B3GAT1: variants seen among roughly 807,000 people sequenced by gnomAD.
B3GAT1 encodes the protein galactosylgalactosylxylosylprotein 3-beta-glucuronosyltransferase 1.
B3GAT1 carries 11 observed loss-of-function variants against 28.4 expected under a neutral mutation model. That is an observed-to-expected ratio of 0.39 (90% CI 0.24 to 0.64). The LOEUF (loss-of-function observed/expected upper bound fraction) is 0.64. Ranked by LOEUF, B3GAT1 falls within the 30% of genes least tolerant of loss-of-function variation. The pLI is 0.50. For synonymous variants in B3GAT1, 255 were observed against 223.1 expected (o/e 1.14, Z -1.27); for missense variants, 375 against 491.0 (o/e 0.76, Z 2.23).
At chr11:134,401,555 A>G (rs993034735) in intron 1 of B3GAT1, among the ~76,000 whole-genome samples, 2 of 151,982 alleles carry the variant, frequency 1.3e-5, no homozygotes, top group Admixed American at 1.3e-4. Context: ...GATGGGAACA[A>G]TAGACACTGT....
chr11:134,383,895 C>T lies in B3GAT1; in HGVS notation c.406G>A (p.Asp136Asn), dbSNP rs780492697. 1.3e-6 allele frequency: 2 copies of T among 1,595,900 alleles called. No individual in the cohort carries two copies. The highest frequency in any genetic ancestry group is 8.5e-7 in the Non-Finnish European group (1 of 1,175,336). Residue 136 changes from aspartate to asparagine, a missense_variant, in exon 3 of 6, where the codon GAC becomes AAC. Transcript: ENST00000312527. Reference protein sequence around the residue: ...RTPLTARLLRDTGLNYTHLHV... With the variant: ...RTPLTARLLRNTGLNYTHLHV... ...AGGTGCGTGTAGTTGAGGCCGGTGT[C>T]GCGCAGCAGGCGCGCGGTCAGCGGC... is the stretch of plus-strand genomic sequence containing the variant.
intron 2 of B3GAT1, chr11:134,384,572 T>TA: frequency 4.5e-6 from 1 of 222,492 alleles, no homozygotes; most frequent in Admixed American, 5.2e-5. Flanking sequence ...CACTGCCCTG[T>TA]GCAGGGCTGG....
chr11:134,412,149 A>T lies in B3GAT1; in HGVS notation c.-624T>A, dbSNP rs1198822080. ...AGCGGGGAGCGGGCGCGGGGGCGAGAGGGGCGAGGGGGGCGCGCGGCCGGA... is the reference window on the plus strand; with the variant it reads ...AGCGGGGAGCGGGCGCGGGGGCGAGTGGGGCGAGGGGGGCGCGCGGCCGGA... On this transcript the variant is annotated 5_prime_UTR_variant, in exon 1 of 6. Coordinates refer to ENST00000312527, the MANE Select transcript of B3GAT1 (RefSeq NM_054025.3). Among the ~76,000 whole-genome samples, 1 of 55,272 alleles carries T rather than the reference A, an allele frequency of 1.8e-5. No homozygotes were observed. Among genetic ancestry groups the T allele is most frequent in the Non-Finnish European group, 3.7e-5 (1 of 26,694 alleles). The allele number at this position is 55,272 out of a possible 152,430, so 36.3% of individuals were successfully genotyped here.
chr11:134,382,238 G>A (rs1044173274), intron 4 of B3GAT1, among the ~76,000 whole-genome samples: 1 of 152,194 alleles, frequency 6.6e-6, no homozygotes, highest in Non-Finnish European at 1.5e-5. Flanking sequence ...TACATGTGAT[G>A]CCTTCGGAAT....
At chr11:134,380,885 G>A (rs937266767) in intron 5 of B3GAT1, 138 bp from the exon 6 acceptor site, 1 of 152,582 alleles carries the variant, frequency 6.6e-6, no homozygotes, top group African/African-American at 2.4e-5. Context: ...GGGCAGGTGG[G>A]GAAGGTGCTT....
intron 1 of B3GAT1, among the ~76,000 whole-genome samples, chr11:134,399,498 A>C (rs1356643427): frequency 6.6e-6 from 1 of 152,212 alleles, no homozygotes; most frequent in Non-Finnish European, 1.5e-5. Context: ...TGTGAGGCAC[A>C]TTCTGCTACC....
In B3GAT1 at chr11:134,382,826, G is replaced by T. The variant is rs1403930568; in HGVS notation, c.802C>A (p.Arg268=). The stretch of plus-strand genomic sequence containing the variant: ...CGCAGCTTGAAGTAGGCCTGGCTTC[G>T]CTGCAGAATGAGCCGCAGGTTGACG... The part of the protein sequence containing the change: ...FAVNLRLILQ[R]SQAYFKLRGV... Residue 268 remains arginine (R), a synonymous_variant, in exon 4 of 6, where the codon CGA becomes AGA. Transcript: ENST00000312527. 3.1e-6 allele frequency: 5 copies of T among 1,614,194 alleles called. No individual in the cohort carries two copies. The Middle Eastern group carries it at 4.9e-4, about 160-fold the overall frequency.
Position 134,382,964 on chromosome 11 carries a change from C to T in B3GAT1, c.664G>A (p.Val222Met), listed in dbSNP as rs763308287. The change falls in exon 4 of 6, where the codon GTG (valine) becomes ATG (methionine). Residue 222 changes from valine (V) to methionine (M), a missense_variant. Val to Met is a conservative substitution (Grantham distance 21). Coordinates refer to ENST00000312527, the MANE Select transcript of B3GAT1 (RefSeq NM_054025.3). The stretch of plus-strand genomic sequence containing the variant: ...GGGGCCTCGTACCGCAGGCCACCCA[C>T]GAAGGCGACGGGCCACACGGACACC... The part of the protein sequence containing the change: ...RRVSVWPVAF[V>M]GGLRYEAPRV... The T allele has an allele frequency of 2.5e-6, 4 of 1,597,562 alleles. No homozygotes were observed. The highest frequency in any genetic ancestry group is 3.5e-5 in the Admixed American group (2 of 57,712).
In B3GAT1 at chr11:134,387,933, G is replaced by T. The variant is rs2136312480; in HGVS notation, c.-274C>A. 1 of 1,349,328 alleles carries T rather than the reference G, an allele frequency of 7.4e-7. No individual in the cohort carries two copies. Among genetic ancestry groups the T allele is most frequent in the Non-Finnish European group, 1.0e-6 (1 of 995,890 alleles). 83.6% of individuals were successfully genotyped at this position (1,349,328 alleles called of 1,614,324 possible). On this transcript the variant is annotated 5_prime_UTR_variant, in exon 2 of 6. Coordinates refer to ENST00000312527, the MANE Select transcript of B3GAT1 (RefSeq NM_054025.3). The stretch of plus-strand genomic sequence containing the variant: ...GGGCAGGGGTCAGGAACCCTGGGGG[G>T]TGGACACCTGCAAGAGAGAGCAGAA...
At chr11:134,392,276 A>T (rs1944426344) in intron 1 of B3GAT1, 1 of 151,924 alleles carries the variant, frequency 6.6e-6, no homozygotes, top group Non-Finnish European at 1.5e-5. Flanking sequence ...CTGAGTCCTG[A>T]CTTAAGGGCC....
chr11:134,407,921 C>T (rs114941701), intron 1 of B3GAT1, among the ~76,000 whole-genome samples: 3,225 of 152,230 alleles, frequency 0.021, 58 homozygotes, highest in African/African-American at 0.052. Context: ...CACCCTGTCA[C>T]CTTTCAGCAT....
rs1187558011 is a variant in B3GAT1 at position 134,393,150 on chromosome 11, G to A, written c.-281-5210C>T. Reference sequence around the variant, plus strand: ...TCCGAGGTACTCATCCCTGGAGGACGAGAAAGGCCTTTTTACCCAGTAAGA... The same window carrying A: ...TCCGAGGTACTCATCCCTGGAGGACAAGAAAGGCCTTTTTACCCAGTAAGA... On this transcript the variant is annotated intron_variant, in intron 1 of 5. Coordinates refer to ENST00000312527, the MANE Select transcript of B3GAT1 (RefSeq NM_054025.3). The surrounding 1 kb of genome is among the most constrained non-coding windows in gnomAD (Gnocchi z 4.0). Among the ~76,000 whole-genome samples the A allele has an allele frequency of 6.6e-6, 1 of 152,172 alleles. No individual in the cohort carries two copies. The highest frequency in any genetic ancestry group is 1.9e-4 in the East Asian group (1 of 5,192).
chr11:134,411,758 G>C lies in B3GAT1; in HGVS notation c.-282+49C>G, dbSNP rs1445735157. 6.5e-6 allele frequency: 1 copy of C among 152,784 alleles called. No individual in the cohort carries two copies. The highest frequency in any genetic ancestry group is 1.5e-5 in the Non-Finnish European group (1 of 68,732). 9.5% of individuals were successfully genotyped at this position (152,784 alleles called of 1,614,324 possible). A position where few individuals can be genotyped will look rare whatever the true frequency, so the allele number is the denominator to read the frequency against. ...GTGGGCACCGATGGGGACGCAGAAA[G>C]GGGCTCTGTGCGCGGCGGGGCGCCC... On this transcript the variant is annotated intron_variant, in intron 1 of 5. Transcript: ENST00000312527. The surrounding 1 kb of genome is among the most constrained non-coding windows in gnomAD (Gnocchi z 6.0).
chr11:134,405,606 C>T lies in B3GAT1; in HGVS notation c.-282+6201G>A, dbSNP rs959825677. ...AGGGGCCCTGGGAGTCTCAGCGTTG[C>T]GCCCCGACCCCGGGGGTGGCAGCCC... On this transcript the variant is annotated intron_variant, in intron 1 of 5. Transcript: ENST00000312527. 4.6e-5 allele frequency among the ~76,000 whole-genome samples: 7 copies of T among 152,306 alleles called. No homozygotes were observed. In the East Asian group the frequency reaches 5.8e-4, roughly 13 times the overall value.
At chr11:134,399,661 G>C (rs1013423624) in intron 1 of B3GAT1, among the ~76,000 whole-genome samples, 1 of 152,200 alleles carries the variant, frequency 6.6e-6, no homozygotes, top group African/African-American at 2.4e-5. Context: ...TGGAAGCTAG[G>C]AGGGCTGTGA....
chr11:134,384,813 G>A (rs1944236339), intron 2 of B3GAT1: 1 of 152,244 alleles, frequency 6.6e-6, no homozygotes, highest in Non-Finnish European at 1.5e-5. Context: ...TATTCTCGTG[G>A]GTTTTGCCCA....
chr11:134,393,719 CTT>C lies in B3GAT1; in HGVS notation c.-281-5781_-281-5780del, dbSNP rs1184444574. Among the ~76,000 whole-genome samples the C allele has an allele frequency of 1.3e-5, 2 of 152,206 alleles. No individual in the cohort carries two copies. Among genetic ancestry groups the C allele is most frequent in the African/African-American group, 2.4e-5 (1 of 41,452 alleles). Reference sequence around the variant, plus strand: ...AGGCTGGGAACCGGCGTCACTGACTCTTGAGGGCGTGGGCTCAGTGGTGACAG... The same window carrying C: ...AGGCTGGGAACCGGCGTCACTGACTCGAGGGCGTGGGCTCAGTGGTGACAG... On this transcript the variant is annotated intron_variant, in intron 1 of 5. Transcript: ENST00000312527. The surrounding 1 kb of genome is among the most constrained non-coding windows in gnomAD (Gnocchi z 4.0).
At chr11:134,391,035 G>C (rs1944401539) in intron 1 of B3GAT1, 1 of 152,288 alleles carries the variant, frequency 6.6e-6, no homozygotes, top group South Asian at 2.1e-4. Flanking sequence ...TGTGGGCAAG[G>C]GTGCCGTGGG....
At chr11:134,381,004 A>C (rs1421341879) in intron 5 of B3GAT1, among the ~76,000 whole-genome samples, 1 of 152,182 alleles carries the variant, frequency 6.6e-6, no homozygotes, top group Non-Finnish European at 1.5e-5. Context: ...TCTGCGGGCA[A>C]ACACAATACA....
Sources: allele counts gnomAD v4.1 joint callset (sites outside exome capture counted in the v4.1 genomes callset), GRCh38; gene constraint gnomAD v4.1.1; non-coding constraint Gnocchi (gnomAD v3.1); transcripts MANE v1.5; gene names NCBI Gene and HGNC (gene_info 2026-07-23, HGNC 2026-07-21).